Variants in RGS5 observed in about 807,000 individuals in gnomAD.
The protein encoded by RGS5 is regulator of G protein signaling 5.
RGS5 carries 20 observed loss-of-function variants against 18.9 expected under a neutral mutation model. That is an observed-to-expected ratio of 1.06 (90% CI 0.74 to 1.54). RGS5 has a LOEUF of 1.54. Among genes scored for constraint, RGS5 ranks in the 40% most tolerant of loss-of-function variants. The pLI is 0.00. For synonymous variants in RGS5, 57 were observed against 76.2 expected, an observed-to-expected ratio of 0.75 and a Z score of 1.31; for missense variants, 201 against 211.8, an observed-to-expected ratio of 0.95 and a Z score of 0.32.
At chr1:163,312,741 C>T (rs1013224786) in intron 1 of RGS5, among the ~76,000 whole-genome samples, 4 of 152,288 alleles carry the variant, frequency 2.6e-5, no homozygotes, top group East Asian at 1.9e-4. Flanking sequence ...ATTATATTTT[C>T]GCACACAGGG....
chr1:163,168,850 A>G (rs1424409904), intron 1 of RGS5, among the ~76,000 whole-genome samples: 3 of 152,082 alleles, frequency 2.0e-5, no homozygotes, highest in African/African-American at 7.2e-5. Context: ...ACATTTGGAA[A>G]AAATGATCAC....
rs185991661 is a variant in RGS5, at chr1:163,225,226, A to T, written c.-280-56858T>A. Among the ~76,000 whole-genome samples the T allele has an allele frequency of 8.5e-5, 13 of 152,240 alleles. No individual in the cohort carries two copies. The East Asian group carries it at 2.3e-3, about 27-fold the overall frequency. On this transcript the variant is annotated intron_variant, in intron 2 of 5. Coordinates refer to the RGS5 transcript ENST00000618415. ...TTATTAAAAGTTCTTCAAGCAAGAG[A>T]AGACTAGCTTCCTCAGATACAAAAG...
At chr1:163,232,513 A>T (rs564390255) in intron 2 of RGS5, among the ~76,000 whole-genome samples, 39 of 152,294 alleles carry the variant, frequency 2.6e-4, no homozygotes, top group African/African-American at 9.4e-4. Context: ...TTCTTCAGAG[A>T]CTAGGAAATC....
At chr1:163,149,300 A>T (rs1657281295) in intron 4 of RGS5, among the ~76,000 whole-genome samples, 1 of 152,156 alleles carries the variant, frequency 6.6e-6, no homozygotes, top group Non-Finnish European at 1.5e-5. Context: ...CTCCATTCTC[A>T]GTCTATTATT....
Position 163,247,480 on chromosome 1 carries a change from A to G in RGS5, c.-281+58753T>C, listed in dbSNP as rs569789992. Among the ~76,000 whole-genome samples the G allele has an allele frequency of 4.0e-5, 6 of 148,518 alleles. No homozygotes were observed. In the South Asian group the frequency reaches 6.2e-4, roughly 15 times the overall value. On this transcript the variant is annotated intron_variant, in intron 2 of 5. Coordinates refer to the RGS5 transcript ENST00000618415. Reference sequence around the variant, plus strand: ...GATTCACTATCAGGCAAACAAATCCAGCTAAATTGCATTTAACTCTACTAA... The same window carrying G: ...GATTCACTATCAGGCAAACAAATCCGGCTAAATTGCATTTAACTCTACTAA...
intron 4 of RGS5, among the ~76,000 whole-genome samples, chr1:163,149,743 A>C (rs1657299666): frequency 6.6e-6 from 1 of 152,188 alleles, no homozygotes; most frequent in Non-Finnish European, 1.5e-5. Context: ...TAAAGAGTTG[A>C]GGTGAGTATT....
chr1:163,169,742 T>TAGATGTTTTTTGAGC (rs1357502804), intron 1 of RGS5, among the ~76,000 whole-genome samples: 2 of 152,210 alleles, frequency 1.3e-5, no homozygotes, highest in Admixed American at 6.5e-5. Context: ...TCCATCATTT[T>TAGATGTTTTTTGAGC]AGATGTTTTT....
At chr1:163,243,986 GTTTACT>G (rs1484215529) in intron 2 of RGS5, among the ~76,000 whole-genome samples, 3 of 152,234 alleles carry the variant, frequency 2.0e-5, no homozygotes, top group African/African-American at 4.8e-5. Context: ...GAGTTAAAAT[GTTTACT>G]TTTAAGTTTT....
At position 163,161,897 on chromosome 1, in the gene RGS5, C is replaced by G; in HGVS notation, c.217+18G>C. 1 of 1,607,174 alleles carries G rather than the reference C, an allele frequency of 6.2e-7. No homozygotes were observed. Among genetic ancestry groups the G allele is most frequent in the Admixed American group, 1.7e-5 (1 of 59,872 alleles). On this transcript the variant is annotated intron_variant, in intron 3 of 4. Coordinates refer to ENST00000313961, the MANE Select transcript of RGS5 (RefSeq NM_003617.4). Reference sequence around the variant, plus strand: ...CTAACCTGACCTTTATTTAAAAAAACAAACAATGGAAACTTACAGTTGTTC... The same window carrying G: ...CTAACCTGACCTTTATTTAAAAAAAGAAACAATGGAAACTTACAGTTGTTC...
At chr1:163,160,212 TA>T (rs1359887209) in intron 3 of RGS5, among the ~76,000 whole-genome samples, 9 of 152,284 alleles carry the variant, frequency 5.9e-5, no homozygotes, top group African/African-American at 2.2e-4. Flanking sequence ...TTCTTCTCCT[TA>T]AAGGTTTTGA....
At chr1:163,257,119 G>A (rs1002317415) in intron 2 of RGS5, among the ~76,000 whole-genome samples, 7 of 152,126 alleles carry the variant, frequency 4.6e-5, no homozygotes, top group African/African-American at 9.7e-5. Flanking sequence ...TTTCATCAAG[G>A]AGCTGACATT....
At chr1:163,200,983 A>C (rs566729845) in intron 1 of RGS5, among the ~76,000 whole-genome samples, 1 of 152,336 alleles carries the variant, frequency 6.6e-6, no homozygotes, top group East Asian at 1.9e-4. Flanking sequence ...ACTTATGAGA[A>C]AACATAGAGC....
chr1:163,321,001 CAAT>C (rs894269624), intron 1 of RGS5, among the ~76,000 whole-genome samples: 1 of 152,188 alleles, frequency 6.6e-6, no homozygotes, highest in African/African-American at 2.4e-5. Context: ...TCCCAAACCT[CAAT>C]AAAACTTAAT....
intron 1 of RGS5, among the ~76,000 whole-genome samples, chr1:163,196,806 C>A (rs369673288): frequency 1.2e-4 from 18 of 152,268 alleles, no homozygotes; most frequent in African/African-American, 4.3e-4. Context: ...TTTAGCAACA[C>A]ACACTCTTTT....
intron 2 of RGS5, among the ~76,000 whole-genome samples, chr1:163,167,663 C>G (rs1658111542): frequency 6.6e-6 from 1 of 152,092 alleles, no homozygotes; most frequent in Non-Finnish European, 1.5e-5. Context: ...GGGAAAAATA[C>G]CTGGTGTACA....
intron 1 of RGS5, among the ~76,000 whole-genome samples, chr1:163,174,116 C>A (rs955184728): frequency 6.6e-6 from 1 of 152,060 alleles, no homozygotes; most frequent in Admixed American, 6.6e-5. Flanking sequence ...TAGACTGTAA[C>A]CTCAAGGAGC....
upstream of RGS5, among the ~76,000 whole-genome samples, chr1:163,218,087 T>G (rs1172921427): frequency 6.6e-6 from 1 of 152,060 alleles, no homozygotes; most frequent in African/African-American, 2.4e-5. Flanking sequence ...GCAGCCCAAG[T>G]GAACTAAGTG....
At chr1:163,308,289 C>T (rs1338157301) in intron 1 of RGS5, among the ~76,000 whole-genome samples, 1 of 152,122 alleles carries the variant, frequency 6.6e-6, no homozygotes, top group Non-Finnish European at 1.5e-5. Context: ...TAACCCCTCC[C>T]CATTTCAGTG....
chr1:163,288,634 G>T (rs911938985), intron 2 of RGS5, among the ~76,000 whole-genome samples: 3 of 151,954 alleles, frequency 2.0e-5, no homozygotes, highest in Non-Finnish European at 4.4e-5. Context: ...TTTTAGCAGG[G>T]TCAATAGTCT....
Sources: allele counts gnomAD v4.1 joint callset (sites outside exome capture counted in the v4.1 genomes callset), GRCh38; gene constraint gnomAD v4.1.1; transcripts MANE v1.5; gene names NCBI Gene and HGNC (gene_info 2026-07-23, HGNC 2026-07-21).